MAPRE2: variants seen among roughly 807,000 people sequenced by gnomAD.
MAPRE2 encodes the protein microtubule-associated protein RP/EB family member 2.
Under a neutral mutation model 43.2 loss-of-function variants are expected in MAPRE2, and 13 were observed. The observed-to-expected ratio is 0.30, with a 90% CI of 0.20 to 0.48. The LOEUF is 0.48. MAPRE2 is among the 20% of genes least tolerant of loss of function. MAPRE2 has a pLI of 0.99. For synonymous variants in MAPRE2, 135 were observed against 148.8 expected, an observed-to-expected ratio of 0.91 and a Z score of 0.68; for missense variants, 161 against 400.2, an observed-to-expected ratio of 0.40 and a Z score of 5.10.
chr18:35,026,120 G>T (rs1338782341), intron 2 of MAPRE2, among the ~76,000 whole-genome samples: 1 of 152,180 alleles, frequency 6.6e-6, no homozygotes, highest in Non-Finnish European at 1.5e-5. Flanking sequence ...GACTCATGAG[G>T]TAGGTGAGAG....
chr18:35,085,384 T>G (rs940817869), intron 2 of MAPRE2, among the ~76,000 whole-genome samples: 2 of 152,252 alleles, frequency 1.3e-5, no homozygotes, highest in South Asian at 4.1e-4. Context: ...TTATGATTAT[T>G]GCGTATGAAC....
At chr18:35,119,557 G>A (rs967201864) in intron 4 of MAPRE2, among the ~76,000 whole-genome samples, 10 of 152,248 alleles carry the variant, frequency 6.6e-5, no homozygotes, top group African/African-American at 2.4e-4. Context: ...TAGGGTTATG[G>A]CTCAATAAAA....
chr18:35,119,787 G>A (rs1909591500), intron 4 of MAPRE2, among the ~76,000 whole-genome samples: 1 of 152,118 alleles, frequency 6.6e-6, no homozygotes, highest in African/African-American at 2.4e-5. Flanking sequence ...TAAAAACTGG[G>A]TTAATCAATT....
intron 1 of MAPRE2, among the ~76,000 whole-genome samples, chr18:35,053,309 A>G (rs1375590596): frequency 6.6e-6 from 1 of 152,082 alleles, no homozygotes; most frequent in East Asian, 1.9e-4. Context: ...CAGGAGAATC[A>G]CTTGAACCCA....
intron 1 of MAPRE2, among the ~76,000 whole-genome samples, chr18:35,043,314 T>C (rs913424057): frequency 4.6e-5 from 7 of 152,246 alleles, no homozygotes; most frequent in Non-Finnish European, 8.8e-5. Context: ...CTTCATTTTC[T>C]AAATGATTTA....
At chr18:35,034,904 C>A (rs1459062287) in intron 2 of MAPRE2, among the ~76,000 whole-genome samples, 45 of 151,986 alleles carry the variant, frequency 3.0e-4, no homozygotes, top group African/African-American at 5.5e-4. Context: ...ACACTTTTAC[C>A]CTGTTGGTGG....
chr18:35,016,601 T>C (rs1480969746), intron 2 of MAPRE2, among the ~76,000 whole-genome samples: 1 of 152,144 alleles, frequency 6.6e-6, no homozygotes, highest in Admixed American at 6.6e-5. Context: ...CTTGTATGTC[T>C]TCTTTTAAGC....
chr18:35,112,754 C>T (rs1162256196), intron 4 of MAPRE2, among the ~76,000 whole-genome samples: 1 of 152,180 alleles, frequency 6.6e-6, no homozygotes, highest in South Asian at 2.1e-4. Context: ...CTTTTCTCCT[C>T]AAAGAATAAC....
upstream of MAPRE2, among the ~76,000 whole-genome samples, chr18:35,038,458 A>G (rs2097051825): frequency 6.6e-6 from 1 of 152,188 alleles, no homozygotes; most frequent in African/African-American, 2.4e-5. Context: ...TAGAGTATCA[A>G]ATGGGAAATG....
intron 2 of MAPRE2, among the ~76,000 whole-genome samples, chr18:35,012,618 T>C (rs1300791951): frequency 6.6e-6 from 1 of 152,182 alleles, no homozygotes; most frequent in Non-Finnish European, 1.5e-5. Context: ...TTGAGGCCAA[T>C]GCGTTAAGTG....
At chr18:35,109,005 T>C (rs1192879772) in intron 4 of MAPRE2, among the ~76,000 whole-genome samples, 1 of 152,226 alleles carries the variant, frequency 6.6e-6, no homozygotes, top group Non-Finnish European at 1.5e-5. Flanking sequence ...ATTTTGGCTT[T>C]TGTTGAAATT....
intron 6 of MAPRE2, among the ~76,000 whole-genome samples, chr18:35,134,361 A>G (rs1569017426): frequency 6.6e-6 from 1 of 152,246 alleles, no homozygotes; most frequent in Non-Finnish European, 1.5e-5. Context: ...TTGAGCATTT[A>G]GCATGTGCTA....
intron 2 of MAPRE2, among the ~76,000 whole-genome samples, chr18:35,017,253 T>C (rs2097038984): frequency 6.6e-6 from 1 of 150,926 alleles, no homozygotes; most frequent in African/African-American, 2.4e-5. Context: ...TGTTTTTTTT[T>C]TTTTTTTTTG....
intron 1 of MAPRE2, among the ~76,000 whole-genome samples, chr18:34,981,880 TTTATTTA>T (rs2097016468): frequency 3.0e-5 from 1 of 33,206 alleles, no homozygotes; most frequent in African/African-American, 6.7e-5. Flanking sequence ...TTTTTTTATT[TTTATTTA>T]TTTTTTTTTT....
intron 1 of MAPRE2, among the ~76,000 whole-genome samples, chr18:34,981,736 T>G (rs182828027): frequency 7.9e-5 from 12 of 152,302 alleles, no homozygotes; most frequent in African/African-American, 2.9e-4. Context: ...CAGTGTTTAT[T>G]GCAACATACA....
chr18:35,020,048 A>G (rs1355390024), intron 2 of MAPRE2, among the ~76,000 whole-genome samples: 1 of 152,094 alleles, frequency 6.6e-6, no homozygotes, highest in Non-Finnish European at 1.5e-5. Flanking sequence ...ACTGTGGATG[A>G]CACAGATTTT....
rs1218345480 is a variant in MAPRE2, at chr18:35,143,086, AAAAG to A, written c.*2725_*2728del. 1.6e-3 allele frequency: 238 copies of A among 151,624 alleles called. 2 individuals carry two copies. The highest frequency in any genetic ancestry group is 5.3e-3 in the African/African-American group (220 of 41,362). The allele number at this position is 151,624 out of a possible 1,614,324, so 9.4% of individuals were successfully genotyped here. ...AGAAAAGCAGGAAAAAAAAAAAAAA[AAAAG>A]AAAGAAAAACACCTGTTGACCTGAG... On this transcript the variant is annotated 3_prime_UTR_variant, in exon 7 of 7. Coordinates refer to ENST00000300249, the MANE Select transcript of MAPRE2 (RefSeq NM_014268.4).
At chr18:34,977,031 C>T (rs567291318) in exon 1 of MAPRE2, 3 of 174,068 alleles carry the variant, frequency 1.7e-5, no homozygotes, top group East Asian at 1.8e-4. Flanking sequence ...GTGGAGAAAA[C>T]AAAGCCCCCA....
chr18:35,068,190 G>A (rs1022697343), intron 1 of MAPRE2, among the ~76,000 whole-genome samples: 1 of 152,056 alleles, frequency 6.6e-6, no homozygotes, highest in Non-Finnish European at 1.5e-5. Flanking sequence ...GTAGATTTTT[G>A]TCTAAAACCT....
Sources: allele counts gnomAD v4.1 joint callset (sites outside exome capture counted in the v4.1 genomes callset), GRCh38; gene constraint gnomAD v4.1.1; transcripts MANE v1.5; gene names NCBI Gene and HGNC (gene_info 2026-07-23, HGNC 2026-07-21).